CNTNAP2: variants seen among roughly 807,000 people sequenced by gnomAD.
CNTNAP2 encodes the protein contactin associated protein 2.
CNTNAP2 carries 98 observed loss-of-function variants against 155.2 expected under a neutral mutation model. The ratio of observed to expected loss-of-function variants is 0.63; its 90% CI spans 0.54 to 0.75. The LOEUF (loss-of-function observed/expected upper bound fraction) is 0.75. Among genes scored for constraint, CNTNAP2 ranks in the 30% least tolerant of loss-of-function variants. The pLI is 0.00. For synonymous variants in CNTNAP2, 651 were observed against 631.2 expected (o/e 1.03, Z -0.47); for missense variants, 1,727 against 1,688.1 (o/e 1.02, Z -0.40).
intron 1 of CNTNAP2, among the ~76,000 whole-genome samples, chr7:146,690,608 G>A (rs942601820): frequency 6.6e-6 from 1 of 152,150 alleles, no homozygotes; most frequent in African/African-American, 2.4e-5. Flanking sequence ...ATGATAGCTA[G>A]AATCTGCTCT....
At chr7:146,208,787 T>C (rs969946983) in intron 1 of CNTNAP2, 1 of 152,150 alleles carries the variant, frequency 6.6e-6, no homozygotes, top group Non-Finnish European at 1.5e-5. Context: ...CTTGCTGCTG[T>C]GGGTTTCATT....
intron 1 of CNTNAP2, among the ~76,000 whole-genome samples, chr7:146,426,185 C>CAAAAAAAAAAAAAAAAAAAAAAAA (rs57484419): frequency 5.5e-5 from 3 of 54,634 alleles, no homozygotes; most frequent in African/African-American, 1.5e-4. Context: ...GACTTCGCCT[C>CAAAAAAAAAAAAAAAAAAAAAAAA]AAAAAAAAAA....
At chr7:146,162,203 A>G (rs1798234493) in intron 1 of CNTNAP2, among the ~76,000 whole-genome samples, 2 of 152,236 alleles carry the variant, frequency 1.3e-5, no homozygotes, top group Non-Finnish European at 2.9e-5. Context: ...AGCAAAATAA[A>G]CTACCATCAG....
At chr7:147,553,322 G>A (rs1799887439) in intron 11 of CNTNAP2, among the ~76,000 whole-genome samples, 1 of 152,132 alleles carries the variant, frequency 6.6e-6, no homozygotes, top group Non-Finnish European at 1.5e-5. Flanking sequence ...ACCATTAAAT[G>A]ATCTCAGGAC....
At chr7:147,128,985 G>C (rs1801296528) in intron 7 of CNTNAP2, 149 bp downstream of exon 7, 2 of 1,042,336 alleles carry the variant, frequency 1.9e-6, no homozygotes, top group Non-Finnish European at 1.5e-6. Context: ...AGAGTTATCA[G>C]AATTAGTATA....
At chr7:146,789,967 AT>A (rs1802642091) in intron 2 of CNTNAP2, among the ~76,000 whole-genome samples, 1 of 151,598 alleles carries the variant, frequency 6.6e-6, no homozygotes, top group Non-Finnish European at 1.5e-5. Flanking sequence ...ACAATATCCC[AT>A]TGTATGATCA....
intron 13 of CNTNAP2, among the ~76,000 whole-genome samples, chr7:147,781,124 G>A (rs77813715): frequency 0.013 from 2,029 of 152,234 alleles, 103 homozygotes; most frequent in Admixed American, 0.089. Context: ...TGGCAAAAAG[G>A]AAATAATGAA....
intron 1 of CNTNAP2, among the ~76,000 whole-genome samples, chr7:146,222,941 G>A (rs1799232495): frequency 6.6e-6 from 1 of 152,072 alleles, no homozygotes; most frequent in South Asian, 2.1e-4. Context: ...TTACAGGCAT[G>A]AGCCACCGCA....
chr7:147,490,410 A>G (rs1277845414), intron 11 of CNTNAP2, among the ~76,000 whole-genome samples: 3 of 152,196 alleles, frequency 2.0e-5, no homozygotes, highest in Non-Finnish European at 4.4e-5. Context: ...AAATGTGTAA[A>G]CTGTAAATTG....
intron 13 of CNTNAP2, among the ~76,000 whole-genome samples, chr7:147,871,727 C>G (rs17170714): frequency 0.021 from 3,202 of 150,650 alleles, 118 homozygotes; most frequent in East Asian, 0.16. Context: ...TGCCCTATTA[C>G]TCCTCCAAAG....
chr7:146,625,458 C>G (rs1024067628), intron 1 of CNTNAP2, among the ~76,000 whole-genome samples: 4 of 151,960 alleles, frequency 2.6e-5, no homozygotes, highest in African/African-American at 9.7e-5. Flanking sequence ...ATCAAAATAT[C>G]ATATGTTTTA....
chr7:148,283,304 A>AAAGAAAGAAAGAAAGG (rs1278484699), intron 21 of CNTNAP2, among the ~76,000 whole-genome samples: 2 of 89,426 alleles, frequency 2.2e-5, no homozygotes, highest in African/African-American at 1.2e-4. Flanking sequence ...AGAAAGAAAG[A>AAAGAAAGAAAGAAAGG]AAGGAAGGAA....
intron 1 of CNTNAP2, among the ~76,000 whole-genome samples, chr7:146,367,910 A>G (rs2191700): frequency 0.47 from 71,580 of 151,896 alleles, 19,515 homozygotes; most frequent in African/African-American, 0.75. Context: ...TTTTAAAGAA[A>G]GCAGAGTGAG....
At chr7:147,429,575 T>A (rs1797433935) in intron 10 of CNTNAP2, among the ~76,000 whole-genome samples, 1 of 152,166 alleles carries the variant, frequency 6.6e-6, no homozygotes, top group Admixed American at 6.5e-5. Flanking sequence ...TTTAATTAGA[T>A]CCCATTTGTT....
chr7:146,721,889 A>ATATATATATATATATATATTTTTTTT, intron 1 of CNTNAP2, among the ~76,000 whole-genome samples: 1 of 69,738 alleles, frequency 1.4e-5, no homozygotes, highest in Admixed American at 1.2e-4. Context: ...ATATATATAT[A>ATATATATATATATATATATTTTTTTT]TTTTTTTTTT....
intron 11 of CNTNAP2, among the ~76,000 whole-genome samples, chr7:147,506,912 G>C (rs1798916583): frequency 1.3e-5 from 2 of 152,078 alleles, no homozygotes; most frequent in Admixed American, 6.6e-5. Flanking sequence ...ACTTACTGTG[G>C]GTGTGAGCTG....
chr7:146,750,908 A>G (rs114071986), intron 1 of CNTNAP2, among the ~76,000 whole-genome samples: 2,062 of 152,316 alleles, frequency 0.014, 40 homozygotes, highest in African/African-American at 0.047. Context: ...CCTGAGATAT[A>G]AAAATAATGC....
intron 13 of CNTNAP2, among the ~76,000 whole-genome samples, chr7:147,870,705 C>G (rs1019439303): frequency 6.6e-6 from 1 of 152,142 alleles, no homozygotes; most frequent in Non-Finnish European, 1.5e-5. Context: ...CTGCTTATAT[C>G]AGAGATAGAA....
chr7:146,761,665 C>T (rs538953246), intron 1 of CNTNAP2, among the ~76,000 whole-genome samples: 85 of 151,494 alleles, frequency 5.6e-4, no homozygotes, highest in Non-Finnish European at 9.0e-4. Context: ...ATCATACCAT[C>T]TTTTTTTTTA....
Sources: gnomAD v4.1 joint callset for allele counts (sites outside exome capture counted in the v4.1 genomes callset) on GRCh38, gnomAD v4.1.1 for gene constraint, MANE v1.5 for transcripts, NCBI Gene and HGNC (gene_info 2026-07-23, HGNC 2026-07-21) for gene names.